MYO1D: variants seen among roughly 807,000 people sequenced by gnomAD.
The protein encoded by MYO1D is unconventional myosin-Id.
In MYO1D, 83 loss-of-function variants were observed where a neutral mutation model predicts 122.0. That is an observed-to-expected ratio of 0.68 (90% confidence interval 0.57 to 0.82). The LOEUF is 0.82. Among genes scored for constraint, MYO1D ranks in the 40% least tolerant of loss-of-function variants. The pLI is 0.00. For missense variants in MYO1D, 1,157 were observed against 1,269.5 expected (o/e 0.91, Z 1.35); for synonymous variants, 464 against 446.9 (o/e 1.04, Z -0.48).
rs114603546 is a variant in MYO1D, at chr17:32,816,445, T to C, written c.96-35661A>G. Among the ~76,000 whole-genome samples the C allele has an allele frequency of 3.5e-3, 528 of 152,328 alleles. 3 individuals are homozygous for C. The highest frequency in any genetic ancestry group is 0.012 in the African/African-American group (493 of 41,580). ...AGGTTGGAAACTTAGTCCAATGTTATTTACTTTTCGTCTTAAACTTTGAAA... is the reference window on the plus strand; with the variant it reads ...AGGTTGGAAACTTAGTCCAATGTTACTTACTTTTCGTCTTAAACTTTGAAA... On this transcript the variant is annotated intron_variant, in intron 1 of 21. Transcript: ENST00000318217.
chr17:32,765,083 T>C lies in MYO1D; in HGVS notation c.832-2A>G, dbSNP rs761665507. On this transcript the variant is annotated splice_acceptor_variant, in intron 7 of 21. Transcript: ENST00000318217. LOFTEE classifies it high-confidence loss of function. ...ATCTACTACAAATTTTAAATTTCCC[T>C]GTATCAAAAGTGAAAAAAATAACAC... 2 of 1,608,978 alleles carry C rather than the reference T, an allele frequency of 1.2e-6. No homozygotes were observed. Among genetic ancestry groups the C allele is most frequent in the Non-Finnish European group, 1.7e-6 (2 of 1,176,258 alleles).
At chr17:32,551,179 T>C (rs2087012328) in intron 21 of MYO1D, among the ~76,000 whole-genome samples, 1 of 152,162 alleles carries the variant, frequency 6.6e-6, no homozygotes. Flanking sequence ...GGGGAGCCTG[T>C]AGAATTGTCC....
chr17:32,726,288 C>T (rs773372872), intron 14 of MYO1D, among the ~76,000 whole-genome samples: 4 of 151,896 alleles, frequency 2.6e-5, no homozygotes, highest in Admixed American at 6.6e-5. Flanking sequence ...GGTGTGGTGG[C>T]GTGCACCTGT....
chr17:32,818,758 C>T (rs1278007981), intron 1 of MYO1D, among the ~76,000 whole-genome samples: 10 of 152,186 alleles, frequency 6.6e-5, no homozygotes, highest in African/African-American at 2.4e-4. Context: ...TATTATATCA[C>T]ATAAGGTTAC....
intron 10 of MYO1D, chr17:32,759,929 GGGAAGAA>G: frequency 2.0e-6 from 1 of 512,416 alleles, no homozygotes; most frequent in Non-Finnish European, 3.4e-6. Context: ...GGAGGAAAAA[GGGAAGAA>G]GAAACTAGAT....
intron 1 of MYO1D, among the ~76,000 whole-genome samples, chr17:32,823,992 G>A (rs753625251): frequency 6.6e-6 from 1 of 151,306 alleles, no homozygotes; most frequent in Non-Finnish European, 1.5e-5. Flanking sequence ...GTGTGAACCC[G>A]GGAGGTGGAG....
chr17:32,767,812 C>T lies in MYO1D; in HGVS notation c.715-60G>A, dbSNP rs143108624. 4.7e-4 allele frequency: 597 copies of T among 1,272,790 alleles called. 6 individuals carry two copies. In the East Asian group the frequency reaches 0.01, roughly 22 times the overall value. The allele number at this position is 1,272,790 out of a possible 1,614,324, so 78.8% of individuals were successfully genotyped here. On this transcript the variant is annotated intron_variant, in intron 6 of 21. Transcript: ENST00000318217. Reference sequence around the variant, plus strand: ...ATTTCCTATGAGCATTAAAATTCAACAATTATAAAACTAAGTTATACCAAG... The same window carrying T: ...ATTTCCTATGAGCATTAAAATTCAATAATTATAAAACTAAGTTATACCAAG...
chr17:32,540,789 G>A (rs559638664), intron 21 of MYO1D, among the ~76,000 whole-genome samples: 1 of 151,864 alleles, frequency 6.6e-6, no homozygotes, highest in East Asian at 1.9e-4. Flanking sequence ...AACTAGGCAT[G>A]GTGGTGTGGG....
Position 32,563,418 on chromosome 17 carries a change from T to C in MYO1D, c.2864+41669A>G, listed in dbSNP as rs189423642. Among the ~76,000 whole-genome samples the C allele has an allele frequency of 3.5e-3, 536 of 151,958 alleles. 2 individuals carry two copies. Among genetic ancestry groups the C allele is most frequent in the Admixed American group, 7.5e-3 (114 of 15,260 alleles). On this transcript the variant is annotated intron_variant, in intron 21 of 21. Transcript: ENST00000318217. The stretch of plus-strand genomic sequence containing the variant: ...TTAGTAGAGATGGGGTTTCAAACCA[T>C]GTTGGCCAGGCTAGTCTCGAACTCC...
chr17:32,810,157 G>T (rs763294882), intron 1 of MYO1D, among the ~76,000 whole-genome samples: 3 of 152,140 alleles, frequency 2.0e-5, no homozygotes, highest in Non-Finnish European at 4.4e-5. Context: ...CCAGAGCCAG[G>T]AACCAATGTG....
chr17:32,712,267 A>C, intron 15 of MYO1D, 72 bp from the exon 16 acceptor site: 1 of 1,354,428 alleles, frequency 7.4e-7, no homozygotes. Flanking sequence ...TATTCAATAA[A>C]ATGCAAGACA....
chr17:32,530,502 A>G (rs925801184), intron 21 of MYO1D, among the ~76,000 whole-genome samples: 7 of 152,216 alleles, frequency 4.6e-5, no homozygotes, highest in Non-Finnish European at 8.8e-5. Context: ...GAAAGACATC[A>G]TTCAAGACAA....
chr17:32,596,773 T>C (rs938309770), intron 21 of MYO1D, among the ~76,000 whole-genome samples: 1 of 152,254 alleles, frequency 6.6e-6, no homozygotes. Context: ...GACAGGCAAA[T>C]GCCTGGACAG....
intron 1 of MYO1D, among the ~76,000 whole-genome samples, chr17:32,853,303 C>T (rs910555249): frequency 2.0e-5 from 3 of 152,182 alleles, no homozygotes; most frequent in African/African-American, 7.2e-5. Context: ...TCATTAACAC[C>T]ACAGTCTTCT....
intron 21 of MYO1D, among the ~76,000 whole-genome samples, chr17:32,555,562 C>T (rs961812749): frequency 1.3e-5 from 2 of 152,154 alleles, no homozygotes; most frequent in African/African-American, 4.8e-5. Flanking sequence ...TTCTGGCTGC[C>T]TGTTGTCTGT....
At chr17:32,849,074 T>C (rs2090962395) in intron 1 of MYO1D, among the ~76,000 whole-genome samples, 1 of 152,180 alleles carries the variant, frequency 6.6e-6, no homozygotes, top group South Asian at 2.1e-4. Context: ...ATGCTCATCA[T>C]CACTGGCCAT....
chr17:32,567,180 G>A (rs1300449615), intron 21 of MYO1D, among the ~76,000 whole-genome samples: 1 of 152,158 alleles, frequency 6.6e-6, no homozygotes. Context: ...GAAAAAAGAA[G>A]AGCTGAATTA....
chr17:32,632,570 TATATATATATATATATACAC>T (rs59595265), intron 20 of MYO1D: 394 of 67,586 alleles, frequency 5.8e-3, no homozygotes, highest in African/African-American at 9.3e-3. Context: ...GTACTATATA[TATATATATATATATATACAC>T]ACACACACAC....
chr17:32,832,791 G>T (rs970005051), intron 1 of MYO1D, among the ~76,000 whole-genome samples: 1 of 152,208 alleles, frequency 6.6e-6, no homozygotes, highest in Admixed American at 6.5e-5. Flanking sequence ...GTAAAGAATA[G>T]AAGTTATATA....
Sources: gnomAD v4.1 joint callset for allele counts (sites outside exome capture counted in the v4.1 genomes callset) on GRCh38, gnomAD v4.1.1 for gene constraint, MANE v1.5 for transcripts, NCBI Gene and HGNC (gene_info 2026-07-23, HGNC 2026-07-21) for gene names.